Variants in LRRC4C observed in about 807,000 individuals in gnomAD.
LRRC4C encodes the protein leucine-rich repeat-containing protein 4C.
In LRRC4C, 5 loss-of-function variants were observed where a neutral mutation model predicts 33.6. The ratio of observed to expected loss-of-function variants is 0.15; its 90% CI spans 0.08 to 0.31. LRRC4C has a LOEUF of 0.31. Among genes scored for constraint, LRRC4C ranks in the 10% least tolerant of loss-of-function variants. The pLI is 1.00. For synonymous variants in LRRC4C, 329 were observed against 302.0 expected, an observed-to-expected ratio of 1.09 and a Z score of -0.93; for missense variants, 560 against 796.7, an observed-to-expected ratio of 0.70 and a Z score of 3.58.
intron 1 of LRRC4C, among the ~76,000 whole-genome samples, chr11:40,945,384 T>A (rs1322948208): frequency 6.6e-6 from 1 of 152,094 alleles, no homozygotes; most frequent in Non-Finnish European, 1.5e-5. Flanking sequence ...AGCATGTTTT[T>A]AAAAAAAGTT....
intron 3 of LRRC4C, among the ~76,000 whole-genome samples, chr11:40,587,401 T>A (rs1392682296): frequency 4.0e-5 from 6 of 148,186 alleles, no homozygotes; most frequent in African/African-American, 1.5e-4. Flanking sequence ...TTTCTAGATA[T>A]ACAATCATGT....
At chr11:41,277,928 A>G (rs1180516787) in intron 1 of LRRC4C, among the ~76,000 whole-genome samples, 1 of 151,980 alleles carries the variant, frequency 6.6e-6, no homozygotes, top group Non-Finnish European at 1.5e-5. Flanking sequence ...GACTTAAGTC[A>G]GGCGCAGAAA....
At chr11:41,318,183 C>G (rs1950851942) in intron 1 of LRRC4C, among the ~76,000 whole-genome samples, 1 of 152,040 alleles carries the variant, frequency 6.6e-6, no homozygotes, top group Non-Finnish European at 1.5e-5. Context: ...TCAATGAGAA[C>G]AGGTATTTGC....
intron 2 of LRRC4C, among the ~76,000 whole-genome samples, chr11:40,823,005 G>A (rs556308533): frequency 1.3e-5 from 2 of 151,612 alleles, no homozygotes; most frequent in Non-Finnish European, 3.0e-5. Flanking sequence ...TTATCTCTGG[G>A]TTCTCCATTC....
intron 3 of LRRC4C, among the ~76,000 whole-genome samples, chr11:40,483,816 T>C (rs1039187214): frequency 1.3e-5 from 2 of 151,110 alleles, no homozygotes; most frequent in African/African-American, 4.9e-5. Context: ...TATGTATGTA[T>C]ATACATATAT....
intron 1 of LRRC4C, among the ~76,000 whole-genome samples, chr11:41,042,499 A>G (rs1381578): frequency 0.38 from 57,908 of 151,998 alleles, 11,989 homozygotes; most frequent in East Asian, 0.51. Context: ...GTAGGTGGAA[A>G]GATTAAAATT....
chr11:41,322,597 C>T (rs1040301609), intron 1 of LRRC4C, among the ~76,000 whole-genome samples: 4 of 151,862 alleles, frequency 2.6e-5, no homozygotes, highest in African/African-American at 4.8e-5. Context: ...CAATGCAACC[C>T]GAAATTATAA....
At chr11:40,166,615 C>T (rs1391883981) in intron 5 of LRRC4C, among the ~76,000 whole-genome samples, 1 of 152,024 alleles carries the variant, frequency 6.6e-6, no homozygotes. Flanking sequence ...TAAAGCCTCA[C>T]ATAGTATCAG....
intron 1 of LRRC4C, among the ~76,000 whole-genome samples, chr11:41,429,252 G>A (rs1955151182): frequency 6.6e-6 from 1 of 152,100 alleles, no homozygotes; most frequent in South Asian, 2.1e-4. Context: ...TAAGTTTCCT[G>A]AGGCCTCCCT....
At chr11:40,452,685 A>G (rs1001333573) in intron 3 of LRRC4C, among the ~76,000 whole-genome samples, 9 of 152,204 alleles carry the variant, frequency 5.9e-5, no homozygotes, top group African/African-American at 1.9e-4. Context: ...TACTGGGTAT[A>G]TACCCAAAGG....
intron 1 of LRRC4C, among the ~76,000 whole-genome samples, chr11:41,096,228 A>C (rs1187864424): frequency 2.0e-5 from 3 of 152,172 alleles, no homozygotes; most frequent in African/African-American, 7.2e-5. Context: ...GATTATTAAC[A>C]TTCTTTTGCA....
chr11:41,063,953 G>T (rs1258712218), intron 1 of LRRC4C, among the ~76,000 whole-genome samples: 1 of 152,092 alleles, frequency 6.6e-6, no homozygotes, highest in East Asian at 1.9e-4. Flanking sequence ...GGTAGAATTG[G>T]CAGGTCTTTG....
intron 3 of LRRC4C, among the ~76,000 whole-genome samples, chr11:40,510,906 G>GA (rs1181816367): frequency 6.6e-6 from 1 of 151,948 alleles, no homozygotes; most frequent in African/African-American, 2.4e-5. Flanking sequence ...AAAAATTTTT[G>GA]AAAAAAACTG....
chr11:40,151,708 T>A (rs1469242070), intron 5 of LRRC4C, among the ~76,000 whole-genome samples: 1 of 152,152 alleles, frequency 6.6e-6, no homozygotes, highest in Non-Finnish European at 1.5e-5. Context: ...TAAACCATTA[T>A]AATAAAATAT....
chr11:40,870,206 G>A (rs1448636852), intron 2 of LRRC4C, among the ~76,000 whole-genome samples: 1 of 152,136 alleles, frequency 6.6e-6, no homozygotes, highest in Non-Finnish European at 1.5e-5. Context: ...CTTTTTATCT[G>A]CAGAATATTT....
At chr11:40,409,285 G>A (rs1950071191) in intron 3 of LRRC4C, among the ~76,000 whole-genome samples, 2 of 151,808 alleles carry the variant, frequency 1.3e-5, no homozygotes, top group South Asian at 4.1e-4. Context: ...ACCTGAAACT[G>A]TAAAACTATC....
At position 41,050,331 on chromosome 11, in the gene LRRC4C, C is replaced by T. The variant is rs1420103236; in HGVS notation, c.-495-116608G>A. On this transcript the variant is annotated intron_variant, in intron 1 of 6. Coordinates refer to ENST00000528697, the MANE Select transcript of LRRC4C (RefSeq NM_001258419.2). ...GTTGATGAAAAAGTACATAGCTATA[C>T]ATGGGCCATGTTACGTAGCTATACA... Among the ~76,000 whole-genome samples the T allele has an allele frequency of 2.0e-5, 3 of 152,100 alleles. No homozygotes were observed. In the South Asian group the frequency reaches 6.2e-4, roughly 32 times the overall value.
chr11:40,728,292 TG>T (rs1947386692), intron 2 of LRRC4C, among the ~76,000 whole-genome samples: 1 of 151,986 alleles, frequency 6.6e-6, no homozygotes, highest in South Asian at 2.1e-4. Context: ...ACCCCATTAC[TG>T]GGTATATGTC....
At chr11:40,357,059 C>T (rs1947702860) in intron 3 of LRRC4C, among the ~76,000 whole-genome samples, 1 of 151,942 alleles carries the variant, frequency 6.6e-6, no homozygotes, top group Non-Finnish European at 1.5e-5. Flanking sequence ...TATTGCTATC[C>T]CTAAAATTGT....
Sources: gnomAD v4.1 joint callset for allele counts (sites outside exome capture counted in the v4.1 genomes callset) on GRCh38, gnomAD v4.1.1 for gene constraint, MANE v1.5 for transcripts, NCBI Gene and HGNC (gene_info 2026-07-23, HGNC 2026-07-21) for gene names.